DOK6: variants seen among roughly 807,000 people sequenced by gnomAD.
DOK6 encodes the protein downstream of tyrosine kinase 6.
In DOK6, 22 loss-of-function variants were observed where a neutral mutation model predicts 44.0. That is an observed-to-expected ratio of 0.50 (90% CI 0.36 to 0.71). The LOEUF is 0.71. Among genes scored for constraint, DOK6 ranks in the 30% least tolerant of loss-of-function variants. The probability of loss-of-function intolerance (pLI) is 0.00; values close to 1 mark genes in which losing one functional copy is unlikely to be tolerated. For synonymous variants in DOK6, 166 were observed against 145.5 expected (o/e 1.14, Z -1.01); for missense variants, 340 against 416.4 (o/e 0.82, Z 1.60).
chr18:69,821,617 C>T (rs532625848), intron 7 of DOK6, among the ~76,000 whole-genome samples: 38 of 152,214 alleles, frequency 2.5e-4, no homozygotes, highest in Admixed American at 1.3e-3. Flanking sequence ...AATTAAAACA[C>T]GCTTCACTCT....
At chr18:69,460,853 G>A (rs1599142015) in intron 1 of DOK6, among the ~76,000 whole-genome samples, 2 of 151,986 alleles carry the variant, frequency 1.3e-5, no homozygotes, top group Non-Finnish European at 2.9e-5. Context: ...TCTTGACTTC[G>A]ATCATGCCCA....
chr18:69,717,148 T>C (rs189296435), intron 5 of DOK6, among the ~76,000 whole-genome samples: 140 of 152,360 alleles, frequency 9.2e-4, no homozygotes, highest in African/African-American at 3.1e-3. Context: ...TGTCACACCC[T>C]TCCTGCAGCA....
At chr18:69,647,984 C>T (rs1316232021) in intron 3 of DOK6, among the ~76,000 whole-genome samples, 1 of 152,176 alleles carries the variant, frequency 6.6e-6, no homozygotes, top group Non-Finnish European at 1.5e-5. Flanking sequence ...TGTTTACATA[C>T]TGCTTTATTT....
chr18:69,814,940 A>G (rs989598321), intron 7 of DOK6, among the ~76,000 whole-genome samples: 2 of 152,178 alleles, frequency 1.3e-5, no homozygotes, highest in African/African-American at 4.8e-5. Flanking sequence ...TAAGAAAAAA[A>G]AAGGTAAGAT....
At chr18:69,435,033 A>AGGACGGAAGGAT (rs1555701496) in intron 1 of DOK6, among the ~76,000 whole-genome samples, 1 of 62,978 alleles carries the variant, frequency 1.6e-5, no homozygotes. Context: ...GAGGGAAGGA[A>AGGACGGAAGGAT]GGAAGGAAGG....
chr18:69,605,076 TTG>T (rs71176987), intron 3 of DOK6, among the ~76,000 whole-genome samples: 12,990 of 125,594 alleles, frequency 0.1, 568 homozygotes, highest in Admixed American at 0.12. Flanking sequence ...AGAGATCCCT[TTG>T]TGTGTGTGTG....
chr18:69,606,144 T>C (rs9952655), intron 3 of DOK6, among the ~76,000 whole-genome samples: 126,865 of 151,636 alleles, frequency 0.84, 53,693 homozygotes, highest in Non-Finnish European at 0.91. Context: ...TGGTGGTGCA[T>C]GCCCGTAGTC....
chr18:69,501,079 A>G (rs905339442), intron 1 of DOK6, among the ~76,000 whole-genome samples: 4 of 152,170 alleles, frequency 2.6e-5, no homozygotes, highest in African/African-American at 9.6e-5. Flanking sequence ...AAAAGATGGA[A>G]AAATAAGTTG....
chr18:69,590,750 A>T (rs1195272891), intron 2 of DOK6, among the ~76,000 whole-genome samples: 3 of 152,184 alleles, frequency 2.0e-5, no homozygotes, highest in Admixed American at 2.0e-4. Flanking sequence ...ATGGAGGCTG[A>T]TGGGAACATA....
At chr18:69,406,313 T>G (rs1916205982) in intron 1 of DOK6, among the ~76,000 whole-genome samples, 1 of 152,234 alleles carries the variant, frequency 6.6e-6, no homozygotes, top group African/African-American at 2.4e-5. Context: ...GCAATTTTTT[T>G]CCTTTTAAAA....
intron 3 of DOK6, among the ~76,000 whole-genome samples, chr18:69,653,365 G>C (rs1985281450): frequency 6.6e-6 from 1 of 152,018 alleles, no homozygotes; most frequent in African/African-American, 2.4e-5. Flanking sequence ...AGGACTTGGG[G>C]AGCTGAGGTC....
chr18:69,411,263 G>T (rs1238226098), intron 1 of DOK6, among the ~76,000 whole-genome samples: 1 of 152,172 alleles, frequency 6.6e-6, no homozygotes, highest in African/African-American at 2.4e-5. Flanking sequence ...CAGAATAAGG[G>T]TGCTTGTAGT....
chr18:69,616,072 G>A (rs1176803790), intron 3 of DOK6, among the ~76,000 whole-genome samples: 3 of 152,178 alleles, frequency 2.0e-5, no homozygotes, highest in Non-Finnish European at 2.9e-5. Context: ...AAATACTGAT[G>A]TATCCTGGTG....
At chr18:69,429,875 A>G (rs940064705) in intron 1 of DOK6, among the ~76,000 whole-genome samples, 4 of 151,902 alleles carry the variant, frequency 2.6e-5, no homozygotes, top group African/African-American at 9.7e-5. Flanking sequence ...CCAAAGATAA[A>G]TTGGTTAAAC....
At chr18:69,705,932 A>C (rs944486943) in intron 5 of DOK6, among the ~76,000 whole-genome samples, 2 of 146,172 alleles carry the variant, frequency 1.4e-5, no homozygotes, top group Non-Finnish European at 1.5e-5. Flanking sequence ...AAAAAAAAAA[A>C]CACTCCATTA....
intron 4 of DOK6, among the ~76,000 whole-genome samples, chr18:69,694,681 C>A (rs1986353223): frequency 6.6e-6 from 1 of 152,026 alleles, no homozygotes; most frequent in Admixed American, 6.6e-5. Flanking sequence ...TTCTACATAA[C>A]CTTTTCAAAA....
At chr18:69,573,751 G>T (rs911783359) in intron 2 of DOK6, among the ~76,000 whole-genome samples, 2 of 151,632 alleles carry the variant, frequency 1.3e-5, no homozygotes, top group African/African-American at 2.4e-5. Context: ...TCTTTCCACT[G>T]TCTTAACTAG....
At chr18:69,459,181 AAT>A (rs1979716976) in intron 1 of DOK6, among the ~76,000 whole-genome samples, 1 of 80,798 alleles carries the variant, frequency 1.2e-5, no homozygotes, top group African/African-American at 4.8e-5. Context: ...CTCAAAAAAA[AAT>A]ATTTTGTGTG....
intron 3 of DOK6, chr18:69,660,368 A>C (rs555993568): frequency 2.6e-5 from 4 of 152,130 alleles, no homozygotes; most frequent in Non-Finnish European, 5.9e-5. Flanking sequence ...AAAAATTTCC[A>C]ATAACATAAA....
Sources: allele counts gnomAD v4.1 joint callset (sites outside exome capture counted in the v4.1 genomes callset), GRCh38; gene constraint gnomAD v4.1.1; transcripts MANE v1.5; gene names NCBI Gene and HGNC (gene_info 2026-07-23, HGNC 2026-07-21).